The following ICA1L variants were observed in gnomAD, a reference collection of about 807,000 sequenced individuals.
ICA1L encodes islet cell autoantigen 1-like protein.
A neutral mutation model predicts 61.3 loss-of-function variants in ICA1L; 50 were observed. That is an observed-to-expected ratio of 0.82 (90% CI 0.65 to 1.03). The LOEUF (loss-of-function observed/expected upper bound fraction) is 1.03, where lower values mean the gene tolerates loss of function less well. ICA1L is among the 50% of genes least tolerant of loss of function. ICA1L has a pLI of 0.00. For synonymous variants in ICA1L, 161 were observed against 191.3 expected, an observed-to-expected ratio of 0.84 and a Z score of 1.31; for missense variants, 508 against 556.7, an observed-to-expected ratio of 0.91 and a Z score of 0.88.
intron 9 of ICA1L, among the ~76,000 whole-genome samples, chr2:202,805,935 T>C (rs1382362239): frequency 1.3e-5 from 2 of 152,218 alleles, no homozygotes; most frequent in Non-Finnish European, 2.9e-5. Context: ...TAGTTAACCT[T>C]TTGAACACAT....
At chr2:202,813,932 C>T (rs951182353) in intron 8 of ICA1L, among the ~76,000 whole-genome samples, 1 of 152,122 alleles carries the variant, frequency 6.6e-6, no homozygotes, top group African/African-American at 2.4e-5. Flanking sequence ...TCTCTAGCTA[C>T]CCATTTCAAG....
intron 1 of ICA1L, among the ~76,000 whole-genome samples, chr2:202,830,333 AGGAGGC>A (rs1344224040): frequency 6.6e-6 from 1 of 152,132 alleles, no homozygotes; most frequent in Non-Finnish European, 1.5e-5. Flanking sequence ...ACTTGAACCC[AGGAGGC>A]GGAGGTTGCA....
intron 12 of ICA1L, 33 bp downstream of exon 12, chr2:202,785,885 C>A: frequency 8.8e-7 from 1 of 1,133,512 alleles, no homozygotes; most frequent in Non-Finnish European, 1.3e-6. Flanking sequence ...ATTCTTAAAG[C>A]AATGATAAAG....
intron 1 of ICA1L, chr2:202,871,363 G>A (rs1210814389): frequency 1.3e-5 from 2 of 152,326 alleles, no homozygotes; most frequent in East Asian, 3.9e-4. Context: ...GCTCCTTGCG[G>A]GTTTTGCCTG....
At chr2:202,794,955 A>G (rs1336317744) in intron 10 of ICA1L, among the ~76,000 whole-genome samples, 1 of 151,702 alleles carries the variant, frequency 6.6e-6, no homozygotes, top group African/African-American at 2.4e-5. Flanking sequence ...AAAGCCCCAC[A>G]ATTTTATATT....
intron 1 of ICA1L, among the ~76,000 whole-genome samples, chr2:202,862,425 T>A (rs1694947308): frequency 6.6e-6 from 1 of 151,794 alleles, no homozygotes; most frequent in South Asian, 2.1e-4. Flanking sequence ...GCCACCGTGC[T>A]CCAGGCTGGG....
Position 202,778,804 on chromosome 2 carries a change from G to A in ICA1L, c.*729C>T, listed in dbSNP as rs1692307265. On this transcript the variant is annotated 3_prime_UTR_variant, in exon 13 of 13. Transcript: ENST00000358299. ...CATTCTGAGTTTTAGGAGATGGGAA[G>A]ATAGATTTTTCTGTTTCTGCAGAGG... The A allele has an allele frequency of 6.6e-6, 1 of 152,632 alleles. No individual in the cohort carries two copies. Among genetic ancestry groups the A allele is most frequent in the South Asian group, 2.1e-4 (1 of 4,826 alleles). 9.5% of individuals were successfully genotyped at this position (152,632 alleles called of 1,614,324 possible).
At chr2:202,842,453 T>C (rs1694359409) in intron 1 of ICA1L, among the ~76,000 whole-genome samples, 1 of 152,230 alleles carries the variant, frequency 6.6e-6, no homozygotes, top group African/African-American at 2.4e-5. Flanking sequence ...TTTTATTTTT[T>C]CCTTCAGCAC....
chr2:202,789,670 G>A (rs1401586321), intron 10 of ICA1L, among the ~76,000 whole-genome samples: 2 of 152,108 alleles, frequency 1.3e-5, no homozygotes, highest in African/African-American at 2.4e-5. Flanking sequence ...AAACAAAAAG[G>A]TTGTTACACC....
chr2:202,773,464 G>A lies in ICA1L; in HGVS notation c.*6069C>T. 1 of 234,166 alleles carries A rather than the reference G, an allele frequency of 4.3e-6. No individual in the cohort carries two copies. Among genetic ancestry groups the A allele is most frequent in the South Asian group, 7.8e-5 (1 of 12,848 alleles). 14.5% of individuals were successfully genotyped at this position (234,166 alleles called of 1,614,324 possible). A position where few individuals can be genotyped will look rare whatever the true frequency, so the allele number is the denominator to read the frequency against. On this transcript the variant is annotated 3_prime_UTR_variant, in exon 13 of 13. Coordinates refer to ENST00000358299, the MANE Select transcript of ICA1L (RefSeq NM_001288622.3). ...AGAAGTAGTCATCACATGTCAATTA[G>A]GGATGTTTATCTCCAACAAGACACT...
chr2:202,812,596 T>C (rs1172977650), intron 8 of ICA1L, among the ~76,000 whole-genome samples: 1 of 151,660 alleles, frequency 6.6e-6, no homozygotes, highest in Non-Finnish European at 1.5e-5. Flanking sequence ...AAAAAAGAAA[T>C]TGAACACAGA....
chr2:202,867,670 A>C (rs373043704), intron 1 of ICA1L, among the ~76,000 whole-genome samples: 1 of 152,234 alleles, frequency 6.6e-6, no homozygotes, highest in African/African-American at 2.4e-5. Context: ...TTAAAACCAC[A>C]AAGAGATATC....
intron 1 of ICA1L, among the ~76,000 whole-genome samples, chr2:202,863,231 G>A (rs1396990717): frequency 6.6e-6 from 1 of 152,028 alleles, no homozygotes; most frequent in Non-Finnish European, 1.5e-5. Context: ...GGCGGAGGTT[G>A]CAATGAGCCA....
intron 11 of ICA1L, among the ~76,000 whole-genome samples, chr2:202,787,740 T>TC (rs1235310817): frequency 1.3e-5 from 2 of 151,720 alleles, no homozygotes; most frequent in Non-Finnish European, 2.9e-5. Flanking sequence ...CCGTGAGGGG[T>TC]CCCCCCGTCC....
chr2:202,858,801 G>A (rs186774706), intron 1 of ICA1L, among the ~76,000 whole-genome samples: 1 of 152,294 alleles, frequency 6.6e-6, no homozygotes, highest in East Asian at 1.9e-4. Context: ...ACAGGAACAT[G>A]CTATACAGGT....
chr2:202,868,100 T>C (rs147384048), intron 1 of ICA1L, among the ~76,000 whole-genome samples: 2 of 152,268 alleles, frequency 1.3e-5, no homozygotes, highest in African/African-American at 4.8e-5. Context: ...TCTCACAACA[T>C]TGTGAAAACA....
At chr2:202,810,732 G>A (rs560815941) in intron 9 of ICA1L, among the ~76,000 whole-genome samples, 8 of 152,120 alleles carry the variant, frequency 5.3e-5, no homozygotes, top group South Asian at 2.1e-4. Context: ...GAGAAATATC[G>A]CTGGATTCTT....
chr2:202,869,543 C>A (rs923437270), intron 1 of ICA1L: 2 of 151,936 alleles, frequency 1.3e-5, no homozygotes, highest in African/African-American at 4.8e-5. Flanking sequence ...TACCTGATAA[C>A]GGATGGGTGG....
chr2:202,843,315 C>T (rs1302346138), intron 1 of ICA1L, among the ~76,000 whole-genome samples: 3 of 152,106 alleles, frequency 2.0e-5, no homozygotes, highest in Admixed American at 6.5e-5. Context: ...GTGGTTCTGG[C>T]ACTAGTCAGG....
Sources: gnomAD v4.1 joint callset for allele counts (sites outside exome capture counted in the v4.1 genomes callset) on GRCh38, gnomAD v4.1.1 for gene constraint, MANE v1.5 for transcripts, NCBI Gene and HGNC (gene_info 2026-07-23, HGNC 2026-07-21) for gene names.